The following DAW1 variants were observed in gnomAD, a reference collection of about 807,000 sequenced individuals.
The protein encoded by DAW1 is dynein assembly factor with WD repeat domains 1.
Under a neutral mutation model 56.5 loss-of-function variants are expected in DAW1, and 47 were observed. The observed-to-expected ratio is 0.83, with a 90% CI of 0.66 to 1.06. The LOEUF (loss-of-function observed/expected upper bound fraction) is 1.06, where lower values mean the gene tolerates loss of function less well. DAW1 is among the 50% of genes least tolerant of loss of function. The probability of loss-of-function intolerance (pLI) is 0.00; values close to 1 mark genes in which losing one functional copy is unlikely to be tolerated. For missense variants in DAW1, 505 were observed against 499.3 expected, an observed-to-expected ratio of 1.01 and a Z score of -0.11; for synonymous variants, 190 against 179.0, an observed-to-expected ratio of 1.06 and a Z score of -0.49.
intron 12 of DAW1, among the ~76,000 whole-genome samples, chr2:227,923,348 C>T (rs561296075): frequency 7.5e-4 from 114 of 152,246 alleles, no homozygotes; most frequent in Non-Finnish European, 1.3e-3. Flanking sequence ...CTGGCATGAC[C>T]GTTACATTTG....
At chr2:227,916,973 G>C (rs1261396417) in intron 10 of DAW1, among the ~76,000 whole-genome samples, 1 of 152,030 alleles carries the variant, frequency 6.6e-6, no homozygotes, top group Non-Finnish European at 1.5e-5. Context: ...CTCCTTGTCA[G>C]CAATGTATGA....
chr2:227,907,055 T>C, intron 9 of DAW1, 83 bp from the exon 10 acceptor site: 1 of 873,250 alleles, frequency 1.1e-6, no homozygotes, highest in Non-Finnish European at 1.8e-6. Flanking sequence ...CATAAGCATG[T>C]CATGAAGACC....
chr2:227,917,820 T>C (rs917499912), intron 10 of DAW1, among the ~76,000 whole-genome samples: 2 of 152,216 alleles, frequency 1.3e-5, no homozygotes, highest in Non-Finnish European at 2.9e-5. Flanking sequence ...GTTTTGTCAT[T>C]TTTTGTACCT....
intron 10 of DAW1, among the ~76,000 whole-genome samples, chr2:227,909,674 C>T (rs1399872920): frequency 1.3e-5 from 2 of 152,074 alleles, no homozygotes; most frequent in African/African-American, 4.8e-5. Flanking sequence ...GAGGAGGGCA[C>T]TGGTGTCAGT....
In DAW1 at chr2:227,897,499, G is replaced by T. The variant is rs369105360; in HGVS notation, c.441-683G>T. Among the ~76,000 whole-genome samples, 96 of 152,314 alleles carry T rather than the reference G, an allele frequency of 6.3e-4. 1 individual carries two copies. In the Middle Eastern group the frequency reaches 0.014, roughly 22 times the overall value. On this transcript the variant is annotated intron_variant, in intron 5 of 12. Transcript: ENST00000309931. ...TCCAATTGGGTGAACATCTTGAAGA[G>T]CTGGTGTAAAAGACAGTTGTAAGCC...
intron 10 of DAW1, 25 bp downstream of exon 10, chr2:227,907,277 A>G (rs1199678362): frequency 1.3e-6 from 2 of 1,575,024 alleles, no homozygotes; most frequent in Non-Finnish European, 1.7e-6. Context: ...CATTCTTTTA[A>G]TTTTTGGAGA....
At chr2:227,923,742 C>G (rs114089960) in intron 12 of DAW1, among the ~76,000 whole-genome samples, 192 bp from the exon 13 acceptor site, 14 of 148,726 alleles carry the variant, frequency 9.4e-5, no homozygotes, top group Middle Eastern at 3.5e-3. Context: ...TAGCTGGTAT[C>G]GTGAAAAAAA....
intron 6 of DAW1, among the ~76,000 whole-genome samples, chr2:227,900,602 GT>G (rs1312345630): frequency 3.9e-5 from 6 of 152,204 alleles, no homozygotes; most frequent in Non-Finnish European, 7.3e-5. Context: ...TCCCAGAGGG[GT>G]GGCATGTGCA....
intron 1 of DAW1, 127 bp downstream of exon 1, chr2:227,871,856 G>T: frequency 8.1e-7 from 1 of 1,231,264 alleles, no homozygotes; most frequent in Non-Finnish European, 1.2e-6. Context: ...AGGAAGTCGG[G>T]CACTTCCCAA....
intron 1 of DAW1, among the ~76,000 whole-genome samples, chr2:227,874,300 G>A (rs932388503): frequency 3.3e-5 from 5 of 152,146 alleles, no homozygotes; most frequent in Non-Finnish European, 7.4e-5. Flanking sequence ...CCACTTCACA[G>A]GTCTACTAGA....
rs756824641 is a variant in DAW1, at chr2:227,910,524, A to ACACACACACACC, written c.973+3273_973+3274insACACACACACCC. 1.1e-3 allele frequency among the ~76,000 whole-genome samples: 163 copies of ACACACACACACC among 150,194 alleles called. 1 individual carries two copies. The highest frequency in any genetic ancestry group is 3.6e-3 in the African/African-American group (147 of 40,814). On this transcript the variant is annotated intron_variant, in intron 10 of 12. Coordinates refer to ENST00000309931, the MANE Select transcript of DAW1 (RefSeq NM_178821.3). ...CACACACACACACACACACACACAC[A>ACACACACACACC]CCCCTCATATTCTAGACAGCCATAT... is the stretch of plus-strand genomic sequence containing the variant.
chr2:227,921,567 G>A lies in DAW1; in HGVS notation c.1213+6G>A, dbSNP rs181412363. The A allele has an allele frequency of 3.4e-4, 554 of 1,612,262 alleles. 2 individuals are homozygous for A. In the African/African-American group the frequency reaches 4.1e-3, roughly 12 times the overall value. ...AGGCAACATAGTCATTACAGGTATG[G>A]AAGACATCAACACCATAGACTCATT... On this transcript the variant is annotated splice_donor_region_variant and intron_variant, in intron 12 of 12. Coordinates refer to ENST00000309931, the MANE Select transcript of DAW1 (RefSeq NM_178821.3).
Position 227,912,599 on chromosome 2 carries a change from C to T in DAW1, c.973+5347C>T, listed in dbSNP as rs185890242. On this transcript the variant is annotated intron_variant, in intron 10 of 12. Coordinates refer to ENST00000309931, the MANE Select transcript of DAW1 (RefSeq NM_178821.3). ...TTGTGTTTGTCATCTCAGTGATGAC[C>T]GCCTATTCTGCTTCATTTGTATTCT... 5.4e-4 allele frequency: 616 copies of T among 1,141,726 alleles called. 2 individuals carry two copies. Among genetic ancestry groups the T allele is most frequent in the South Asian group, 1.7e-3 (106 of 61,730 alleles). The allele number at this position is 1,141,726 out of a possible 1,614,324, so 70.7% of individuals were successfully genotyped here. A position where few individuals can be genotyped will look rare whatever the true frequency, so the allele number is the denominator to read the frequency against.
At chr2:227,920,947 G>A (rs1326902265) in intron 11 of DAW1, among the ~76,000 whole-genome samples, 2 of 152,082 alleles carry the variant, frequency 1.3e-5, no homozygotes, top group Non-Finnish European at 2.9e-5. Flanking sequence ...CCAAAGTGCT[G>A]GGATTACGGT....
intron 1 of DAW1, among the ~76,000 whole-genome samples, chr2:227,881,542 G>A (rs1691008992): frequency 1.3e-5 from 2 of 152,118 alleles, no homozygotes; most frequent in Admixed American, 1.3e-4. Flanking sequence ...ATGCCACAAG[G>A]TATCATTTGA....
intron 10 of DAW1, among the ~76,000 whole-genome samples, chr2:227,915,114 A>G (rs890773403): frequency 6.6e-6 from 1 of 152,070 alleles, no homozygotes; most frequent in Admixed American, 6.6e-5. Flanking sequence ...CTGCATCATA[A>G]TTTTATTAAG....
At chr2:227,876,485 T>C in intron 1 of DAW1, 1 of 1,302,410 alleles carries the variant, frequency 7.7e-7, no homozygotes, top group Non-Finnish European at 1.0e-6. Context: ...AAGATACTAC[T>C]GAATAGCAGG....
At chr2:227,921,735 C>T (rs1245960350) in intron 12 of DAW1, among the ~76,000 whole-genome samples, 174 bp downstream of exon 12, 1 of 152,176 alleles carries the variant, frequency 6.6e-6, no homozygotes, top group South Asian at 2.1e-4. Context: ...TGAGGACCCA[C>T]AGGAGTGAGC....
rs554860198 is a variant in DAW1 at position 227,904,865 on chromosome 2, A to G, written c.649-64A>G. The G allele has an allele frequency of 8.2e-4, 1,180 of 1,447,568 alleles. 2 individuals are homozygous for G. Among genetic ancestry groups the G allele is most frequent in the Admixed American group, 1.1e-3 (64 of 56,748 alleles). 89.7% of individuals were successfully genotyped at this position (1,447,568 alleles called of 1,614,324 possible). A position where few individuals can be genotyped will look rare whatever the true frequency, so the allele number is the denominator to read the frequency against. On this transcript the variant is annotated intron_variant, in intron 7 of 12. Coordinates refer to ENST00000309931, the MANE Select transcript of DAW1 (RefSeq NM_178821.3). ...CCAGCATTTCCTTTTAGACTATGAT[A>G]TTGTACGCTTGCAGAAATTGTTTTA...
Sources: gnomAD v4.1 joint callset for allele counts (sites outside exome capture counted in the v4.1 genomes callset) on GRCh38, gnomAD v4.1.1 for gene constraint, MANE v1.5 for transcripts, NCBI Gene and HGNC (gene_info 2026-07-23, HGNC 2026-07-21) for gene names.